ZFP30: variants seen among roughly 807,000 people sequenced by gnomAD.
The protein encoded by ZFP30 is ZFP30 zinc finger protein, also known as zinc finger protein 30 homolog.
A neutral mutation model predicts 12.3 loss-of-function variants in ZFP30; 16 were observed. That is an observed-to-expected ratio of 1.30 (90% CI 0.88 to 1.98). The LOEUF (loss-of-function observed/expected upper bound fraction) is 1.98. ZFP30 is among the 30% of genes most tolerant of loss of function. ZFP30 has a pLI of 0.00. For missense variants in ZFP30, 560 were observed against 611.2 expected (o/e 0.92, Z 0.88); for synonymous variants, 172 against 201.0 (o/e 0.86, Z 1.22).
At chr19:37,652,868 A>C (rs2044679029) in intron 2 of ZFP30, among the ~76,000 whole-genome samples, 1 of 152,130 alleles carries the variant, frequency 6.6e-6, no homozygotes, top group Non-Finnish European at 1.5e-5. Context: ...CTGTAATCCC[A>C]ACACTTTGGG....
At chr19:37,644,910 T>C (rs1016529860) in intron 3 of ZFP30, among the ~76,000 whole-genome samples, 174 bp from the exon 4 acceptor site, 2 of 151,374 alleles carry the variant, frequency 1.3e-5, no homozygotes, top group East Asian at 3.9e-4. Context: ...TACCAAGAAC[T>C]TGTCTCAAAA....
At chr19:37,643,767 T>C (rs1279907497) in intron 4 of ZFP30, among the ~76,000 whole-genome samples, 1 of 152,206 alleles carries the variant, frequency 6.6e-6, no homozygotes, top group African/African-American at 2.4e-5. Flanking sequence ...AGGTACTACA[T>C]TTGCTATTTT....
In ZFP30 at chr19:37,633,287, G is replaced by A. The variant is rs1376042521; in HGVS notation, c.*1694C>T. On this transcript the variant is annotated 3_prime_UTR_variant, in exon 6 of 6. Transcript: ENST00000684514. ...TCCTGAATACATTATCGTCATTATA[G>A]TGTAATTAATATTCCAATCCCAATG... The A allele has an allele frequency of 6.6e-6, 1 of 152,070 alleles. No individual in the cohort carries two copies. The highest frequency in any genetic ancestry group is 1.5e-5 in the Non-Finnish European group (1 of 68,034). The allele number at this position is 152,070 out of a possible 1,614,324, so 9.4% of individuals were successfully genotyped here. A position where few individuals can be genotyped will look rare whatever the true frequency, so the allele number is the denominator to read the frequency against.
At chr19:37,637,205 T>TC (rs1410303543) in intron 5 of ZFP30, among the ~76,000 whole-genome samples, 4 of 142,176 alleles carry the variant, frequency 2.8e-5, no homozygotes, top group African/African-American at 7.7e-5. Context: ...CTTTTTTTCT[T>TC]TTTTTTTTTT....
intron 5 of ZFP30, 79 bp from the exon 6 acceptor site, chr19:37,636,384 TG>T: frequency 1.7e-6 from 2 of 1,182,712 alleles, no homozygotes; most frequent in Non-Finnish European, 2.1e-6. Context: ...TAGAAATCGG[TG>T]ACCAAAAAAA....
intron 2 of ZFP30, among the ~76,000 whole-genome samples, chr19:37,653,640 C>A (rs1045300989): frequency 6.6e-6 from 1 of 152,090 alleles, no homozygotes; most frequent in African/African-American, 2.4e-5. Flanking sequence ...TTCCATACTG[C>A]TAGATATTAA....
At chr19:37,638,276 G>A (rs1430491695) in intron 5 of ZFP30, among the ~76,000 whole-genome samples, 1 of 152,058 alleles carries the variant, frequency 6.6e-6, no homozygotes, top group Non-Finnish European at 1.5e-5. Context: ...TACGTAACTT[G>A]CACATCTATG....
chr19:37,647,047 T>C (rs986359646), intron 3 of ZFP30, among the ~76,000 whole-genome samples: 1 of 152,224 alleles, frequency 6.6e-6, no homozygotes, highest in African/African-American at 2.4e-5. Context: ...TATTTGACCT[T>C]GCATACTAGT....
upstream of ZFP30, chr19:37,655,767 C>CG: frequency 6.6e-6 from 1 of 152,350 alleles, no homozygotes; most frequent in Non-Finnish European, 1.5e-5. Flanking sequence ...GTTCTCGGCT[C>CG]GGAGACAGGC....
At position 37,632,666 on chromosome 19, in the gene ZFP30, T is replaced by A. The variant is rs1337941053; in HGVS notation, c.*2315A>T. 6.6e-6 allele frequency: 1 copy of A among 152,218 alleles called. No homozygotes were observed. The highest frequency in any genetic ancestry group is 2.4e-5 in the African/African-American group (1 of 41,458). 9.4% of individuals were successfully genotyped at this position (152,218 alleles called of 1,614,324 possible). ...ATGTACTCAATATGAAAAATTGAGA[T>A]ACTTAACTTTTTTAAAATAACTAAG... is the stretch of plus-strand genomic sequence containing the variant. On this transcript the variant is annotated 3_prime_UTR_variant, in exon 6 of 6. Coordinates refer to ENST00000684514, the MANE Select transcript of ZFP30 (RefSeq NM_001320669.3).
At chr19:37,643,133 T>G (rs2044471721) in intron 5 of ZFP30, 132 bp downstream of exon 5, 7 of 629,248 alleles carry the variant, frequency 1.1e-5, no homozygotes, top group Non-Finnish European at 1.4e-5. Flanking sequence ...TGGCTCATGC[T>G]GAGAAGATCT....
intron 3 of ZFP30, among the ~76,000 whole-genome samples, chr19:37,645,283 A>T (rs1168389951): frequency 6.6e-6 from 1 of 152,170 alleles, no homozygotes; most frequent in East Asian, 1.9e-4. Context: ...CATCAAATGA[A>T]TAGACTAGGG....
At chr19:37,648,267 G>A (rs956309905) in intron 2 of ZFP30, among the ~76,000 whole-genome samples, 1 of 152,162 alleles carries the variant, frequency 6.6e-6, no homozygotes, top group African/African-American at 2.4e-5. Context: ...CTTCCCAGCT[G>A]AAAAGGGGCT....
Position 37,631,311 on chromosome 19 carries a change from CATT to C in ZFP30, c.*3667_*3669del, listed in dbSNP as rs960861525. The C allele has an allele frequency of 4.4e-4, 67 of 152,296 alleles. No individual in the cohort carries two copies. Among genetic ancestry groups the C allele is most frequent in the African/African-American group, 1.6e-3 (65 of 41,564 alleles). 9.4% of individuals were successfully genotyped at this position (152,296 alleles called of 1,614,324 possible). A position where few individuals can be genotyped will look rare whatever the true frequency, so the allele number is the denominator to read the frequency against. Reference sequence around the variant, plus strand: ...AAAATCAATTAAACTCTCATTACTTCATTATTTGGAGAAGCTATAGTTTTATTT... The same window carrying C: ...AAAATCAATTAAACTCTCATTACTTCATTTGGAGAAGCTATAGTTTTATTT... On this transcript the variant is annotated 3_prime_UTR_variant, in exon 6 of 6. Transcript: ENST00000684514.
intron 5 of ZFP30, among the ~76,000 whole-genome samples, chr19:37,642,433 C>T (rs1461941595): frequency 6.6e-6 from 1 of 152,138 alleles, no homozygotes; most frequent in Non-Finnish European, 1.5e-5. Flanking sequence ...CCAACTGGAG[C>T]CTGACCAACC....
In ZFP30 at chr19:37,636,249, T is replaced by C. The variant is rs779235529; in HGVS notation, c.292A>G (p.Met98Val). ...KLFQGKDIYE[M>V]NLSQWKVMER... is the part of the protein sequence containing the mutation. ...ATTACCTTCCACTGAGATAAGTTCA[T>C]TTCATAAATATCCTTTCCTTGAAAT... is the stretch of plus-strand genomic sequence containing the variant. The change falls in exon 6 of 6, where the codon ATG becomes GTG. Residue 98 changes from methionine to valine, a missense_variant. Met to Val is a conservative substitution (Grantham distance 21). Coordinates refer to ENST00000684514, the MANE Select transcript of ZFP30 (RefSeq NM_001320669.3). 1.1e-5 allele frequency: 18 copies of C among 1,609,892 alleles called. No individual in the cohort carries two copies. Among genetic ancestry groups the C allele is most frequent in the Non-Finnish European group, 1.4e-5 (16 of 1,178,714 alleles).
At chr19:37,638,964 T>C (rs1158252640) in intron 5 of ZFP30, among the ~76,000 whole-genome samples, 2 of 152,168 alleles carry the variant, frequency 1.3e-5, no homozygotes, top group Non-Finnish European at 2.9e-5. Flanking sequence ...TATTTATATT[T>C]CAATAAGTTT....
At chr19:37,639,680 A>T (rs1310157693) in intron 5 of ZFP30, among the ~76,000 whole-genome samples, 1 of 152,238 alleles carries the variant, frequency 6.6e-6, no homozygotes, top group African/African-American at 2.4e-5. Context: ...AAAGGAAGTG[A>T]GAAGACAATG....
intron 1 of ZFP30, chr19:37,655,163 G>A (rs751464335): frequency 6.6e-6 from 1 of 152,362 alleles, no homozygotes; most frequent in South Asian, 2.1e-4. Context: ...CGCGGACGAG[G>A]ATGCGCGGGG....
Sources: gnomAD v4.1 joint callset for allele counts (sites outside exome capture counted in the v4.1 genomes callset) on GRCh38, gnomAD v4.1.1 for gene constraint, MANE v1.5 for transcripts, NCBI Gene and HGNC (gene_info 2026-07-23, HGNC 2026-07-21) for gene names.